The following VRTN variants were observed in gnomAD, a reference collection of about 807,000 sequenced individuals.
VRTN encodes the protein vertnin.
VRTN carries 5 observed loss-of-function variants against 18.2 expected under a neutral mutation model. The observed-to-expected ratio is 0.27, with a 90% CI of 0.14 to 0.58. The LOEUF is 0.58. Ranked by LOEUF, VRTN falls within the 20% of genes least tolerant of loss-of-function variation. The pLI is 0.91. For synonymous variants in VRTN, 381 were observed against 393.7 expected, an observed-to-expected ratio of 0.97 and a Z score of 0.38; for missense variants, 741 against 939.4, an observed-to-expected ratio of 0.79 and a Z score of 2.76.
At chr14:74,342,280 A>G (rs980572594) in intron 2 of VRTN, among the ~76,000 whole-genome samples, 2 of 151,880 alleles carry the variant, frequency 1.3e-5, no homozygotes, top group Middle Eastern at 3.4e-3. Context: ...GATTTGTACC[A>G]TATCTGTTCG....
intron 1 of VRTN, among the ~76,000 whole-genome samples, chr14:74,314,399 T>TC (rs1170122790): frequency 2.0e-5 from 3 of 146,832 alleles, no homozygotes; most frequent in Non-Finnish European, 4.5e-5. Context: ...CTGTTCTTTT[T>TC]TTTTTTTTTT....
At chr14:74,310,127 A>G (rs1213773430) in intron 1 of VRTN, among the ~76,000 whole-genome samples, 2 of 152,136 alleles carry the variant, frequency 1.3e-5, no homozygotes, top group African/African-American at 2.4e-5. Context: ...GCCGGGTGCC[A>G]TGGCTCACGC....
chr14:74,315,491 G>C (rs1229625067), intron 1 of VRTN, among the ~76,000 whole-genome samples: 1 of 152,172 alleles, frequency 6.6e-6, no homozygotes, highest in African/African-American at 2.4e-5. Flanking sequence ...TTGAGGCCAA[G>C]AGTTTGAGAT....
intron 1 of VRTN, among the ~76,000 whole-genome samples, chr14:74,325,774 T>G (rs528521850): frequency 6.6e-6 from 1 of 151,032 alleles, no homozygotes; most frequent in South Asian, 2.1e-4. Flanking sequence ...TGTTTCAAAA[T>G]AAAAAAAGAA....
intron 1 of VRTN, among the ~76,000 whole-genome samples, chr14:74,316,381 C>T (rs1045277613): frequency 1.3e-5 from 2 of 151,698 alleles, no homozygotes; most frequent in East Asian, 2.0e-4. Flanking sequence ...CCAGGTGTGT[C>T]GCACGCCTCT....
rs1331864315 is a variant in VRTN, at chr14:74,357,636, C to T, written c.853C>T (p.Leu285Phe). The T allele has an allele frequency of 1.9e-6, 3 of 1,613,880 alleles. No homozygotes were observed. The highest frequency in any genetic ancestry group is 2.7e-5 in the African/African-American group (2 of 74,952). The change falls in exon 2 of 2, where the codon CTC (leucine) becomes TTC (phenylalanine). Residue 285 changes from leucine to phenylalanine, a missense_variant. Coordinates refer to ENST00000256362, the MANE Select transcript of VRTN (RefSeq NM_018228.3). This position sits in a 1 kb window ranked among gnomAD's most constrained non-coding sequence, Gnocchi z 7.8. ...TGAACCTGGCCTCAGCTACTCTCAC[C>T]TCTGTGAGCGCTACAGCGTCACCAA... ...NREPGLSYSH[L>F]CERYSVTKST...
upstream of VRTN, among the ~76,000 whole-genome samples, chr14:74,348,056 G>T (rs146748904): frequency 4.3e-4 from 65 of 152,306 alleles, no homozygotes; most frequent in African/African-American, 1.4e-3. Context: ...GCCTCACAAA[G>T]AGATGCATTT....
rs187644343 is a variant in VRTN at position 74,350,732 on chromosome 14, C to G, written c.-2+2080C>G. Among the ~76,000 whole-genome samples, 605 of 152,222 alleles carry G rather than the reference C, an allele frequency of 4.0e-3. 4 individuals are homozygous for G. Among genetic ancestry groups the G allele is most frequent in the Non-Finnish European group, 7.3e-3 (495 of 68,022 alleles). ...AACCCGGAACCTCCAGGTGTGAACT[C>G]GGACTAGGGATCCTGTAGATAGCGT... On this transcript the variant is annotated intron_variant, in intron 1 of 1. Transcript: ENST00000256362.
intron 1 of VRTN, among the ~76,000 whole-genome samples, chr14:74,349,725 T>C (rs919290670): frequency 1.3e-5 from 2 of 152,166 alleles, no homozygotes; most frequent in Non-Finnish European, 2.9e-5. Context: ...TGAGACCCCA[T>C]ATGCTTGAAA....
chr14:74,334,881 G>C (rs41403647), intron 1 of VRTN, among the ~76,000 whole-genome samples: 5,497 of 152,218 alleles, frequency 0.036, 180 homozygotes, highest in African/African-American at 0.076. Flanking sequence ...CAGTAGATAA[G>C]AGTAGCAGTC....
Position 74,357,845 on chromosome 14 carries a change from G to C in VRTN, c.1062G>C (p.Leu354=), listed in dbSNP as rs776883114. 1 of 1,613,784 alleles carries C rather than the reference G, an allele frequency of 6.2e-7. No individual in the cohort carries two copies. The highest frequency in any genetic ancestry group is 1.1e-5 in the South Asian group (1 of 91,078). ...RSTYYAWKHE[L]LGSGTCPALP... ...CCTACTATGCCTGGAAGCATGAGCTGCTGGGCTCTGGCACCTGCCCGGCCT... is the reference window on the plus strand; with the variant it reads ...CCTACTATGCCTGGAAGCATGAGCTCCTGGGCTCTGGCACCTGCCCGGCCT... The change falls in exon 2 of 2, where the codon CTG becomes CTC. Residue 354 remains leucine, a synonymous_variant. Transcript: ENST00000256362. This position sits in a 1 kb window ranked among gnomAD's most constrained non-coding sequence, Gnocchi z 7.8.
intron 1 of VRTN, among the ~76,000 whole-genome samples, chr14:74,331,001 C>A (rs2085518519): frequency 1.3e-5 from 2 of 149,488 alleles, no homozygotes; most frequent in African/African-American, 2.5e-5. Context: ...AGATCGAGAC[C>A]ATCCTGGCTA....
At chr14:74,328,849 T>C (rs2085503375) in intron 1 of VRTN, among the ~76,000 whole-genome samples, 1 of 151,798 alleles carries the variant, frequency 6.6e-6, no homozygotes, top group African/African-American at 2.4e-5. Flanking sequence ...AATACAAAAA[T>C]TGGGGCTGGG....
intron 1 of VRTN, among the ~76,000 whole-genome samples, chr14:74,332,067 G>T (rs1269533315): frequency 2.0e-5 from 3 of 152,040 alleles, no homozygotes; most frequent in Non-Finnish European, 4.4e-5. Flanking sequence ...TTCTGCAAGG[G>T]CCTGAAGTTG....
intron 1 of VRTN, among the ~76,000 whole-genome samples, chr14:74,324,709 G>A (rs1361118763): frequency 1.3e-5 from 2 of 151,580 alleles, no homozygotes; most frequent in Non-Finnish European, 2.9e-5. Context: ...GTAACATGCC[G>A]AGACCCCGTC....
chr14:74,336,510 G>GTA (rs112459443), intron 1 of VRTN, among the ~76,000 whole-genome samples: 311 of 151,802 alleles, frequency 2.0e-3, no homozygotes, highest in Middle Eastern at 3.4e-3. Context: ...CTAAACACGT[G>GTA]TATATATATA....
upstream of VRTN, chr14:74,302,994 C>A: frequency 7.2e-7 from 1 of 1,379,804 alleles, no homozygotes; most frequent in Non-Finnish European, 9.6e-7. Context: ...GGGGCCCCGG[C>A]TACCACAGAG....
In VRTN at chr14:74,358,989, C is replaced by T. The variant is rs1443374705; in HGVS notation, c.*97C>T. ...AGGCTTGGCCAGGATGTCCTTTGCT[C>T]TGGGTCCCACAGTGTCTACCCTAAG... On this transcript the variant is annotated 3_prime_UTR_variant, in exon 2 of 2. Coordinates refer to ENST00000256362, the MANE Select transcript of VRTN (RefSeq NM_018228.3). This position sits in a 1 kb window ranked among gnomAD's most constrained non-coding sequence, Gnocchi z 5.4. The T allele has an allele frequency of 2.7e-6, 4 of 1,477,216 alleles. No individual in the cohort carries two copies. The East Asian group carries it at 9.6e-5, about 35-fold the overall frequency. 91.5% of individuals were successfully genotyped at this position (1,477,216 alleles called of 1,614,324 possible). A position where few individuals can be genotyped will look rare whatever the true frequency, so the allele number is the denominator to read the frequency against.
chr14:74,336,409 A>G (rs1257198286), intron 1 of VRTN, among the ~76,000 whole-genome samples: 4 of 151,508 alleles, frequency 2.6e-5, no homozygotes, highest in African/African-American at 9.7e-5. Flanking sequence ...CTCTGTCTCA[A>G]AAAAAACCCG....
Sources: gnomAD v4.1 joint callset for allele counts (sites outside exome capture counted in the v4.1 genomes callset) on GRCh38, gnomAD v4.1.1 for gene constraint, Gnocchi (gnomAD v3.1) non-coding constraint, MANE v1.5 for transcripts, NCBI Gene and HGNC (gene_info 2026-07-23, HGNC 2026-07-21) for gene names.